The following CAVIN2 variants were observed in gnomAD, a reference collection of about 807,000 sequenced individuals.
The protein encoded by CAVIN2 is caveolae associated protein 2.
Under a neutral mutation model 11.7 loss-of-function variants are expected in CAVIN2, and 13 were observed. That is an observed-to-expected ratio of 1.11 (90% CI 0.72 to 1.77). The LOEUF (loss-of-function observed/expected upper bound fraction) is 1.77, where lower values mean the gene tolerates loss of function less well. Ranked by LOEUF, CAVIN2 falls within the 40% of genes most tolerant of loss-of-function variation. The pLI, the probability that CAVIN2 is intolerant of heterozygous loss-of-function variation, is 0.00. For synonymous variants in CAVIN2, 237 were observed against 223.2 expected (o/e 1.06, Z -0.55); for missense variants, 549 against 542.9 (o/e 1.01, Z -0.11).
intron 1 of CAVIN2, among the ~76,000 whole-genome samples, chr2:191,841,107 T>G (rs546896789): frequency 4.0e-4 from 61 of 152,206 alleles, no homozygotes; most frequent in Non-Finnish European, 8.1e-4. Flanking sequence ...TGATTAGAAC[T>G]GCACCCCTAA....
In CAVIN2 at chr2:191,846,505, G is replaced by T. The variant is rs1169130523; in HGVS notation, c.421C>A (p.Arg141=). ...AGCTGGGCGTGGTTGTTCTCCAGCC[G>T]CTTCACCTGTGCGCACTGCCTATCC... The part of the protein sequence containing the change: ...RMDRQCAQVK[R]LENNHAQLLR... The change falls in exon 1 of 2, where the codon CGG becomes AGG. Residue 141 remains arginine, a synonymous_variant. Transcript: ENST00000304141. 2.5e-6 allele frequency: 4 copies of T among 1,614,222 alleles called. No individual in the cohort carries two copies. The highest frequency in any genetic ancestry group is 3.4e-6 in the Non-Finnish European group (4 of 1,180,034).
intron 1 of CAVIN2, among the ~76,000 whole-genome samples, chr2:191,840,771 A>G (rs1431597613): frequency 6.6e-6 from 1 of 152,234 alleles, no homozygotes; most frequent in Non-Finnish European, 1.5e-5. Flanking sequence ...TCTCCTTAGA[A>G]AGGAAATCAT....
intron 1 of CAVIN2, among the ~76,000 whole-genome samples, chr2:191,838,019 G>T (rs1212443259): frequency 2.6e-5 from 4 of 152,198 alleles, no homozygotes; most frequent in Non-Finnish European, 4.4e-5. Context: ...AATGCCAGAG[G>T]GGGGCAAAGC....
At chr2:191,837,011 C>T (rs567181325) in intron 1 of CAVIN2, among the ~76,000 whole-genome samples, 2 of 152,278 alleles carry the variant, frequency 1.3e-5, no homozygotes, top group East Asian at 3.9e-4. Flanking sequence ...CAGGAAGCTG[C>T]CTAGATAACA....
At chr2:191,842,664 A>G (rs1330891512) in intron 1 of CAVIN2, among the ~76,000 whole-genome samples, 1 of 152,260 alleles carries the variant, frequency 6.6e-6, no homozygotes, top group Non-Finnish European at 1.5e-5. Context: ...AAAAAAGTTT[A>G]AAAGAGAAAA....
intron 1 of CAVIN2, among the ~76,000 whole-genome samples, chr2:191,837,766 A>G (rs1226608648): frequency 6.6e-6 from 1 of 152,230 alleles, no homozygotes; most frequent in East Asian, 1.9e-4. Context: ...TTCTTTGAAT[A>G]CTGGAAAAGG....
intron 1 of CAVIN2, 62 bp from the exon 2 acceptor site, chr2:191,836,779 G>A: frequency 7.0e-7 from 1 of 1,434,634 alleles, no homozygotes; most frequent in Non-Finnish European, 9.4e-7. Flanking sequence ...GTCCTGAGCT[G>A]CTGTAATACG....
At position 191,834,988 on chromosome 2, in the gene CAVIN2, C is replaced by T. The variant is rs1203250523; in HGVS notation, c.*935G>A. ...ATTCGTTCCAGTGTTAACAAGACAA[C>T]ATCCTTTTGAACTTCCTTAAAGAAA... On this transcript the variant is annotated 3_prime_UTR_variant, in exon 2 of 2. Coordinates refer to ENST00000304141, the MANE Select transcript of CAVIN2 (RefSeq NM_004657.6). The T allele has an allele frequency of 6.6e-6, 1 of 151,970 alleles. No individual in the cohort carries two copies. Among genetic ancestry groups the T allele is most frequent in the African/African-American group, 2.4e-5 (1 of 41,418 alleles). 9.4% of individuals were successfully genotyped at this position (151,970 alleles called of 1,614,324 possible). A position where few individuals can be genotyped will look rare whatever the true frequency, so the allele number is the denominator to read the frequency against.
At position 191,836,709 on chromosome 2, in the gene CAVIN2, A is replaced by G; in HGVS notation, c.492T>C (p.Asn164=). 1 of 1,610,242 alleles carries G rather than the reference A, an allele frequency of 6.2e-7. No individual in the cohort carries two copies. The highest frequency in any genetic ancestry group is 1.7e-5 in the Admixed American group (1 of 59,662). The change falls in exon 2 of 2, where the codon AAT becomes AAC. Residue 164 remains asparagine (N), a synonymous_variant. Transcript: ENST00000304141. The part of the protein sequence containing the change: ...HFKVLIFQEE[N]EIPASVFVKQ... The stretch of plus-strand genomic sequence containing the variant: ...TCACAAACACGCTGGCAGGGATCTC[A>G]TTTTCCTCCTGAAAAGACGGACAAT...
At chr2:191,845,185 A>C (rs1340125808) in intron 1 of CAVIN2, among the ~76,000 whole-genome samples, 1 of 152,250 alleles carries the variant, frequency 6.6e-6, no homozygotes, top group East Asian at 1.9e-4. Context: ...AAAGCCTGCA[A>C]GGTAGAGGAG....
Position 191,836,187 on chromosome 2 carries a change from G to A in CAVIN2, c.1014C>T (p.Ser338=), listed in dbSNP as rs760404586. Residue 338 remains serine (S), a synonymous_variant, in exon 2 of 2, where the codon TCC becomes TCT. Transcript: ENST00000304141. ...CCAGAGCGCTGGCGAGGGACGCTTC[G>A]GAATGACCCTCTGCAAAGGACTCCT... ...QEEESFAEGH[S]EASLASALVE... 2 of 1,614,086 alleles carry A rather than the reference G, an allele frequency of 1.2e-6. No homozygotes were observed. The highest frequency in any genetic ancestry group is 2.2e-5 in the East Asian group (1 of 44,866).
chr2:191,844,078 T>A (rs1690132162), intron 1 of CAVIN2, among the ~76,000 whole-genome samples: 1 of 152,018 alleles, frequency 6.6e-6, no homozygotes, highest in Non-Finnish European at 1.5e-5. Flanking sequence ...AAGTGCTTGA[T>A]TTTTTTTGCT....
Position 191,846,922 on chromosome 2 carries a change from C to A in CAVIN2, c.4G>T (p.Gly2Ter), listed in dbSNP as rs758459140. The part of the protein sequence containing the change: M[G>*]EDAAQAEKFQ... Reference sequence around the variant, plus strand: ...TTTTCGGCCTGTGCAGCGTCCTCTCCCATGGCTAGGCAGGTGGGAACGTTC... The same window carrying A: ...TTTTCGGCCTGTGCAGCGTCCTCTCACATGGCTAGGCAGGTGGGAACGTTC... The change falls in exon 1 of 2, where the codon GGA becomes TGA. Residue 2 changes from glycine (G) to a stop codon, truncating the protein, a stop_gained. Transcript: ENST00000304141. LOFTEE classifies it high-confidence loss of function. The A allele has an allele frequency of 6.2e-7, 1 of 1,602,854 alleles. No individual in the cohort carries two copies. Among genetic ancestry groups the A allele is most frequent in the African/African-American group, 1.3e-5 (1 of 74,636 alleles).
rs145092342 is a variant in CAVIN2 at position 191,836,335 on chromosome 2, G to C, written c.866C>G (p.Pro289Arg). The change falls in exon 2 of 2, where the codon CCC (proline) becomes CGC (arginine). Residue 289 changes from proline to arginine, a missense_variant. Physicochemically the swap from Pro to Arg is moderately radical, Grantham distance 103. Transcript: ENST00000304141. ...HQKISSGKSS[P>R]FKVSPLTFGR... ...GAAAGTGAGGGGAGAAACCTTGAAG[G>C]GGGAGCTTTTTCCTGAGGATATTTT... 1 of 1,613,982 alleles carries C rather than the reference G, an allele frequency of 6.2e-7. No individual in the cohort carries two copies. The highest frequency in any genetic ancestry group is 1.3e-5 in the African/African-American group (1 of 74,888).
intron 1 of CAVIN2, among the ~76,000 whole-genome samples, chr2:191,845,975 G>C (rs1690159635): frequency 6.6e-6 from 1 of 152,196 alleles, no homozygotes; most frequent in South Asian, 2.1e-4. Flanking sequence ...TAAAGGGATA[G>C]TTTGACTTTT....
In CAVIN2 at chr2:191,846,546, G is replaced by A; in HGVS notation, c.380C>T (p.Ala127Val). The change falls in exon 1 of 2, where the codon GCG becomes GTG. Residue 127 changes from alanine (A) to valine (V), a missense_variant. Transcript: ENST00000304141. ...CTGCCTATCCATGCGCTCTTTGACC[G>A]CGCGCGTGTGGGCGCTGACCTTGCG... ...KSRKVSAHTR[A>V]VKERMDRQCA... 3.1e-6 allele frequency: 5 copies of A among 1,614,238 alleles called. No individual in the cohort carries two copies. Among genetic ancestry groups the A allele is most frequent in the Non-Finnish European group, 4.2e-6 (5 of 1,180,048 alleles).
intron 1 of CAVIN2, 86 bp downstream of exon 1, chr2:191,846,357 A>G: frequency 1.4e-6 from 2 of 1,441,952 alleles, no homozygotes; most frequent in Non-Finnish European, 1.9e-6. Flanking sequence ...GACAAATGTA[A>G]AAATGGCTGT....
chr2:191,842,733 T>G (rs1168486143), intron 1 of CAVIN2, among the ~76,000 whole-genome samples: 1 of 152,222 alleles, frequency 6.6e-6, no homozygotes, highest in Non-Finnish European at 1.5e-5. Context: ...AGATGAATGT[T>G]TCTTCAGTTT....
chr2:191,846,840 A>G lies in CAVIN2; in HGVS notation c.86T>C (p.Met29Thr). The G allele has an allele frequency of 1.2e-6, 2 of 1,614,184 alleles. No homozygotes were observed. The highest frequency in any genetic ancestry group is 1.7e-6 in the Non-Finnish European group (2 of 1,180,020). The change falls in exon 1 of 2, where the codon ATG becomes ACG. Residue 29 changes from methionine (M) to threonine (T), a missense_variant. Met to Thr is a moderately conservative substitution (Grantham distance 81). Transcript: ENST00000304141. ...RQEKPSSPSP[M>T]PSSTPSPSLN... Reference sequence around the variant, plus strand: ...GCTGGGGCTTGGTGTGGAGGAAGGCATCGGGCTGGGGCTCGAGGGCTTTTC... The same window carrying G: ...GCTGGGGCTTGGTGTGGAGGAAGGCGTCGGGCTGGGGCTCGAGGGCTTTTC...
Sources: allele counts gnomAD v4.1 joint callset (sites outside exome capture counted in the v4.1 genomes callset), GRCh38; gene constraint gnomAD v4.1.1; transcripts MANE v1.5; gene names NCBI Gene and HGNC (gene_info 2026-07-23, HGNC 2026-07-21).